The following VAX2 variants were observed in gnomAD, a reference collection of about 807,000 sequenced individuals.
The protein encoded by VAX2 is ventral anterior homeobox 2.
Under a neutral mutation model 12.5 loss-of-function variants are expected in VAX2, and 8 were observed. That is an observed-to-expected ratio of 0.64 (90% confidence interval 0.37 to 1.15). The LOEUF (loss-of-function observed/expected upper bound fraction) is 1.15. VAX2 is among the 50% of genes most tolerant of loss of function. The pLI, the probability that VAX2 is intolerant of heterozygous loss-of-function variation, is 0.01. For synonymous variants in VAX2, 183 were observed against 187.6 expected (o/e 0.98, Z 0.20); for missense variants, 476 against 412.9 (o/e 1.15, Z -1.32).
chr2:70,931,006 T>A (rs116508049), intron 2 of VAX2, among the ~76,000 whole-genome samples: 2,023 of 152,100 alleles, frequency 0.013, 52 homozygotes, highest in African/African-American at 0.047. Context: ...GCCTGATGAG[T>A]TTCTGGAGTG....
intron 2 of VAX2, among the ~76,000 whole-genome samples, chr2:70,923,861 A>T (rs1679513573): frequency 6.6e-6 from 1 of 152,190 alleles, no homozygotes; most frequent in South Asian, 2.1e-4. Context: ...GGCCTGGCAC[A>T]GTGGCTCACG....
chr2:70,929,680 C>T (rs1438049821), intron 2 of VAX2, among the ~76,000 whole-genome samples: 1 of 102,616 alleles, frequency 9.7e-6, no homozygotes, highest in Non-Finnish European at 1.9e-5. Flanking sequence ...GAGTGAGACT[C>T]CATCTCAAAA....
intron 1 of VAX2, among the ~76,000 whole-genome samples, chr2:70,909,200 C>T (rs1679129838): frequency 6.6e-6 from 1 of 152,094 alleles, no homozygotes; most frequent in Admixed American, 6.5e-5. Context: ...AGGGCTCACT[C>T]TGTCACCCAG....
In VAX2 at chr2:70,903,196, T is replaced by C. The variant is rs76038550; in HGVS notation, c.247+2328T>C. 4.6e-3 allele frequency among the ~76,000 whole-genome samples: 702 copies of C among 152,304 alleles called. 25 individuals are homozygous for C. The South Asian group carries it at 0.087, about 19-fold the overall frequency. On this transcript the variant is annotated intron_variant, in intron 1 of 2. Transcript: ENST00000234392. ...GGCCCCTGAATGAACATTCCTTCCA[T>C]AGGCCTTCAATACACTTTGCCCTTG...
At position 70,900,786 on chromosome 2, in the gene VAX2, A is replaced by C; in HGVS notation, c.165A>C (p.Ala55=). 1 of 1,498,788 alleles carries C rather than the reference A, an allele frequency of 6.7e-7. No individual in the cohort carries two copies. The highest frequency in any genetic ancestry group is 8.9e-7 in the Non-Finnish European group (1 of 1,124,586). 92.8% of individuals were successfully genotyped at this position (1,498,788 alleles called of 1,614,324 possible). A position where few individuals can be genotyped will look rare whatever the true frequency, so the allele number is the denominator to read the frequency against. Residue 55 remains alanine, a synonymous_variant, in exon 1 of 3, where the codon GCA becomes GCC. Transcript: ENST00000234392. ...EVAGTSASSP[A]GSRESGADSD... ...CCGGGACCTCAGCCTCCAGTCCCGC[A>C]GGCTCCAGGGAGAGTGGAGCCGACA...
At chr2:70,924,296 C>T (rs1274855580) in intron 2 of VAX2, 1 of 152,182 alleles carries the variant, frequency 6.6e-6, no homozygotes, top group Admixed American at 6.5e-5. Flanking sequence ...AGTCCTGAAA[C>T]TACCTAGAGA....
intron 1 of VAX2, among the ~76,000 whole-genome samples, chr2:70,918,783 C>A (rs7556920): frequency 0.014 from 1,934 of 142,782 alleles, 36 homozygotes; most frequent in African/African-American, 0.044. Flanking sequence ...GTAGTCCCAG[C>A]TTCTTGGGAG....
At chr2:70,915,120 T>G (rs538276587) in intron 1 of VAX2, among the ~76,000 whole-genome samples, 2 of 137,760 alleles carry the variant, frequency 1.5e-5, no homozygotes, top group Non-Finnish European at 3.4e-5. Context: ...CTTAAATGTA[T>G]TTTTTTTTTC....
intron 1 of VAX2, among the ~76,000 whole-genome samples, chr2:70,915,869 A>C (rs571734967): frequency 6.6e-6 from 1 of 152,184 alleles, no homozygotes; most frequent in Admixed American, 6.5e-5. Context: ...GTTTCCCCAC[A>C]TGCAGTCATT....
In VAX2 at chr2:70,906,520, C is replaced by CTTTTTTTTTTTTTTTTTTTTTTTTTTTTT. The variant is rs869309305; in HGVS notation, c.247+5678_247+5679insTTTTTTTTTTTTTTTTTTTTTTTTTTTTT. Among the ~76,000 whole-genome samples, 7 of 60,606 alleles carry CTTTTTTTTTTTTTTTTTTTTTTTTTTTTT rather than the reference C, an allele frequency of 1.2e-4. 1 individual carries two copies. The highest frequency in any genetic ancestry group is 1.6e-4 in the African/African-American group (2 of 12,250). 39.8% of individuals were successfully genotyped at this position (60,606 alleles called of 152,430 possible). On this transcript the variant is annotated intron_variant, in intron 1 of 2. Transcript: ENST00000234392. The stretch of plus-strand genomic sequence containing the variant: ...CTTTCTTTTTTTTTCTTTTCTTTTC[C>CTTTTTTTTTTTTTTTTTTTTTTTTTTTTT]TTTTTTTTTTTTTTTTTTTTTTTTT...
intron 1 of VAX2, among the ~76,000 whole-genome samples, chr2:70,903,536 TAA>T (rs1394010604): frequency 6.6e-6 from 1 of 152,242 alleles, no homozygotes; most frequent in Non-Finnish European, 1.5e-5. Context: ...TATAGCCCTT[TAA>T]ACCTGAACCA....
rs782043630 is a variant in VAX2 at position 70,932,900 on chromosome 2, G to A, written c.569G>A (p.Arg190Gln). 1.6e-5 allele frequency: 26 copies of A among 1,613,126 alleles called. No homozygotes were observed. Among genetic ancestry groups the A allele is most frequent in the African/African-American group, 2.7e-5 (2 of 74,900 alleles). ...SNILRLLEQG[R>Q]LLSVPRAPSL... ...ATTCTGCGGCTGCTGGAGCAGGGCC[G>A]GCTGCTCTCTGTGCCCAGGGCCCCT... The change falls in exon 3 of 3, where the codon CGG becomes CAG. Residue 190 changes from arginine (R) to glutamine (Q), a missense_variant. Arg to Gln is a conservative substitution (Grantham distance 43). Transcript: ENST00000234392.
intron 1 of VAX2, among the ~76,000 whole-genome samples, chr2:70,919,189 G>T (rs1679390003): frequency 6.8e-6 from 1 of 147,290 alleles, no homozygotes; most frequent in African/African-American, 2.5e-5. Flanking sequence ...AGCCGAGATG[G>T]TGCCACTGCA....
chr2:70,902,568 T>C (rs782215942), intron 1 of VAX2, among the ~76,000 whole-genome samples: 1 of 152,208 alleles, frequency 6.6e-6, no homozygotes, highest in Non-Finnish European at 1.5e-5. Flanking sequence ...CTCATCACCT[T>C]GAACCCCACC....
At chr2:70,910,850 AT>A (rs35939377) in intron 1 of VAX2, among the ~76,000 whole-genome samples, 4,536 of 145,382 alleles carry the variant, frequency 0.031, 233 homozygotes, top group African/African-American at 0.11. Flanking sequence ...TCTTTGTGGG[AT>A]TTTTTTTTTT....
intron 2 of VAX2, among the ~76,000 whole-genome samples, chr2:70,929,247 T>C (rs1199937319): frequency 1.3e-5 from 2 of 152,250 alleles, no homozygotes; most frequent in African/African-American, 4.8e-5. Context: ...TGCCATTCCA[T>C]TAACAAAACA....
At chr2:70,931,200 T>C (rs568158844) in intron 2 of VAX2, among the ~76,000 whole-genome samples, 1 of 152,316 alleles carries the variant, frequency 6.6e-6, no homozygotes, top group African/African-American at 2.4e-5. Flanking sequence ...TTTGGAGCAC[T>C]GGGTGTTGGG....
chr2:70,902,556 C>T (rs1458712306), intron 1 of VAX2, among the ~76,000 whole-genome samples: 1 of 152,224 alleles, frequency 6.6e-6, no homozygotes, highest in East Asian at 1.9e-4. Flanking sequence ...CTGCCTGTGA[C>T]ACTCATCACC....
At chr2:70,917,946 T>C (rs2104772534) in intron 1 of VAX2, among the ~76,000 whole-genome samples, 1 of 152,330 alleles carries the variant, frequency 6.6e-6, no homozygotes, top group East Asian at 1.9e-4. Flanking sequence ...ATGGATTCAC[T>C]TGGGAGTTTT....
Sources: gnomAD v4.1 joint callset for allele counts (sites outside exome capture counted in the v4.1 genomes callset) on GRCh38, gnomAD v4.1.1 for gene constraint, MANE v1.5 for transcripts, NCBI Gene and HGNC (gene_info 2026-07-23, HGNC 2026-07-21) for gene names.